The following RPS6KC1 variants were observed in gnomAD, a reference collection of about 807,000 sequenced individuals.
RPS6KC1 encodes the protein ribosomal protein S6 kinase C1.
A neutral mutation model predicts 103.8 loss-of-function variants in RPS6KC1; 54 were observed. The observed-to-expected ratio is 0.52, with a 90% CI of 0.42 to 0.65. The LOEUF (loss-of-function observed/expected upper bound fraction) is 0.65. Among genes scored for constraint, RPS6KC1 ranks in the 30% least tolerant of loss-of-function variants. The pLI, the probability that RPS6KC1 is intolerant of heterozygous loss-of-function variation, is 0.00. For missense variants in RPS6KC1, 1,151 were observed against 1,253.8 expected, an observed-to-expected ratio of 0.92 and a Z score of 1.24; for synonymous variants, 439 against 438.7, an observed-to-expected ratio of 1.00 and a Z score of -0.01.
At chr1:213,704,496 C>T in the RPS6KC1 span, among the ~76,000 whole-genome samples, 52 of 150,920 alleles carry the variant, frequency 3.4e-4, no homozygotes, top group African/African-American at 1.2e-3. Context: ...CAATCTCTTT[C>T]CTAGATGTAT....
At chr1:213,714,256 G>A in the RPS6KC1 span, among the ~76,000 whole-genome samples, 24 of 152,172 alleles carry the variant, frequency 1.6e-4, no homozygotes, top group Non-Finnish European at 2.5e-4. Flanking sequence ...TATTTGGCAC[G>A]CTAATGTTAT....
chr1:213,728,200 A>G, the RPS6KC1 span, among the ~76,000 whole-genome samples: 1 of 152,084 alleles, frequency 6.6e-6, no homozygotes, highest in African/African-American at 2.4e-5. Flanking sequence ...CCCGCGGTGA[A>G]GAAGCCTTTC....
the RPS6KC1 span, among the ~76,000 whole-genome samples, chr1:213,739,971 C>G: frequency 6.6e-6 from 1 of 151,800 alleles, no homozygotes; most frequent in Non-Finnish European, 1.5e-5. Context: ...ATGAACAGTC[C>G]CAGAGAGTGA....
chr1:213,674,939 T>A, the RPS6KC1 span, among the ~76,000 whole-genome samples: 1 of 152,238 alleles, frequency 6.6e-6, no homozygotes, highest in Non-Finnish European at 1.5e-5. Context: ...ATGTCTTCTT[T>A]TGAGAAGTGT....
the RPS6KC1 span, among the ~76,000 whole-genome samples, chr1:213,516,665 C>T: frequency 1.3e-5 from 2 of 152,172 alleles, no homozygotes; most frequent in Admixed American, 1.3e-4. Context: ...CATCGATGTT[C>T]ATCAGGGATA....
chr1:213,614,711 G>T, the RPS6KC1 span, among the ~76,000 whole-genome samples: 3 of 152,150 alleles, frequency 2.0e-5, no homozygotes, highest in Non-Finnish European at 2.9e-5. Flanking sequence ...GAGAGAGCTG[G>T]TCAGCTTGGA....
the RPS6KC1 span, among the ~76,000 whole-genome samples, chr1:213,798,634 G>A: frequency 6.6e-6 from 1 of 152,160 alleles, no homozygotes; most frequent in African/African-American, 2.4e-5. Flanking sequence ...CCAGTGTCTT[G>A]TTTGGGCAGA....
chr1:213,668,261 A>G, the RPS6KC1 span, among the ~76,000 whole-genome samples: 1 of 149,904 alleles, frequency 6.7e-6, no homozygotes, highest in Admixed American at 6.6e-5. Context: ...GAAAGTTGAA[A>G]TGACTCCTTG....
chr1:213,659,849 G>A, the RPS6KC1 span, among the ~76,000 whole-genome samples: 2 of 152,170 alleles, frequency 1.3e-5, no homozygotes, highest in Non-Finnish European at 2.9e-5. Context: ...ATAGGGAAAA[G>A]GGAAGTCGTT....
At chr1:213,136,655 T>C (rs2086298101) in intron 6 of RPS6KC1, among the ~76,000 whole-genome samples, 1 of 152,120 alleles carries the variant, frequency 6.6e-6, no homozygotes, top group Non-Finnish European at 1.5e-5. Flanking sequence ...TTTTAAACTT[T>C]TAACGGAAGT....
At chr1:213,154,115 A>ATC (rs571696927) in intron 6 of RPS6KC1, among the ~76,000 whole-genome samples, 1 of 150,814 alleles carries the variant, frequency 6.6e-6, no homozygotes, top group African/African-American at 2.5e-5. Context: ...AACATATAAA[A>ATC]TCTCTCTCTC....
the RPS6KC1 span, among the ~76,000 whole-genome samples, chr1:213,635,425 C>T: frequency 0.06 from 9,188 of 152,152 alleles, 607 homozygotes; most frequent in East Asian, 0.29. Flanking sequence ...TTATCCACCA[C>T]GATCAAGTTG....
chr1:213,684,973 T>C, the RPS6KC1 span, among the ~76,000 whole-genome samples: 1 of 152,198 alleles, frequency 6.6e-6, no homozygotes, highest in African/African-American at 2.4e-5. Flanking sequence ...CGAATGCCGG[T>C]TTGAGTTGCA....
chr1:213,844,064 T>C, the RPS6KC1 span, among the ~76,000 whole-genome samples: 1 of 151,988 alleles, frequency 6.6e-6, no homozygotes, highest in African/African-American at 2.4e-5. Flanking sequence ...AAGAAGAGTA[T>C]TCATGTTAAT....
chr1:213,729,699 T>C, the RPS6KC1 span, among the ~76,000 whole-genome samples: 1 of 152,206 alleles, frequency 6.6e-6, no homozygotes, highest in Non-Finnish European at 1.5e-5. Flanking sequence ...TGCTGAGCCC[T>C]GGCTTTTGCA....
the RPS6KC1 span, among the ~76,000 whole-genome samples, chr1:213,606,339 C>A: frequency 6.6e-6 from 1 of 152,314 alleles, no homozygotes; most frequent in South Asian, 2.1e-4. Flanking sequence ...TTATCACTGG[C>A]CCTGCTGGCC....
chr1:213,844,538 A>T, the RPS6KC1 span, among the ~76,000 whole-genome samples: 6,721 of 152,284 alleles, frequency 0.044, 204 homozygotes, highest in Non-Finnish European at 0.059. Flanking sequence ...TGAAAGAAGT[A>T]CTAGAAGGTG....
intron 8 of RPS6KC1, among the ~76,000 whole-genome samples, chr1:213,197,322 A>G (rs1219709574): frequency 6.6e-6 from 1 of 152,120 alleles, no homozygotes; most frequent in Non-Finnish European, 1.5e-5. Flanking sequence ...TCTGTGAAGA[A>G]TGATTATGGC....
At position 213,257,102 on chromosome 1, in the gene RPS6KC1, G is replaced by A. The variant is rs559350660; in HGVS notation, c.2912-4456G>A. Among the ~76,000 whole-genome samples, 43 of 152,194 alleles carry A rather than the reference G, an allele frequency of 2.8e-4. 1 individual carries two copies. The highest frequency in any genetic ancestry group is 6.8e-3 in the Middle Eastern group (2 of 294). ...CTCCCCACATACAAAAGTCTCTGAGGCTCAGGAATATGGACTGTGCTTATC... is the reference window on the plus strand; with the variant it reads ...CTCCCCACATACAAAAGTCTCTGAGACTCAGGAATATGGACTGTGCTTATC... On this transcript the variant is annotated intron_variant, in intron 12 of 14. Transcript: ENST00000366960.
Sources: gnomAD v4.1 joint callset for allele counts (sites outside exome capture counted in the v4.1 genomes callset) on GRCh38, gnomAD v4.1.1 for gene constraint, MANE v1.5 for transcripts, NCBI Gene and HGNC (gene_info 2026-07-23, HGNC 2026-07-21) for gene names.